PCLO: variants seen among roughly 807,000 people sequenced by gnomAD.
PCLO encodes the protein piccolo presynaptic cytomatrix protein, also known as protein piccolo.
A neutral mutation model predicts 427.5 loss-of-function variants in PCLO; 82 were observed. That is an observed-to-expected ratio of 0.19 (90% confidence interval 0.16 to 0.23). The LOEUF (loss-of-function observed/expected upper bound fraction) is 0.23, where lower values mean the gene tolerates loss of function less well. PCLO is among the 10% of genes least tolerant of loss of function. The pLI is 1.00. For synonymous variants in PCLO, 2,357 were observed against 2,155.4 expected (o/e 1.09, Z -2.59); for missense variants, 6,239 against 6,115.9 (o/e 1.02, Z -0.67).
At position 83,096,923 on chromosome 7, in the gene PCLO, A is replaced by T. The variant is rs1230966474; in HGVS notation, c.3300+37327T>A. Among the ~76,000 whole-genome samples, 263 of 54,050 alleles carry T rather than the reference A, an allele frequency of 4.9e-3. 20 individuals are homozygous for T. Among genetic ancestry groups the T allele is most frequent in the Admixed American group, 5.7e-3 (17 of 2,986 alleles). The allele number at this position is 54,050 out of a possible 152,430, so 35.5% of individuals were successfully genotyped here. A position where few individuals can be genotyped will look rare whatever the true frequency, so the allele number is the denominator to read the frequency against. On this transcript the variant is annotated intron_variant, in intron 3 of 24. Transcript: ENST00000333891. ...AATATTATATTATCTAAATATATAT[A>T]ATATAATATAATATATTATATATTA...
chr7:83,116,059 G>A (rs1791124181), intron 3 of PCLO, among the ~76,000 whole-genome samples: 1 of 151,776 alleles, frequency 6.6e-6, no homozygotes, highest in African/African-American at 2.4e-5. Context: ...CAATTAAATG[G>A]ATGTCTAGTA....
At chr7:82,831,094 C>G (rs1169724175) in intron 16 of PCLO, among the ~76,000 whole-genome samples, 5 of 152,022 alleles carry the variant, frequency 3.3e-5, no homozygotes, top group African/African-American at 1.2e-4. Context: ...CCTTTTTCCT[C>G]TGGTAAAGTT....
chr7:82,763,701 T>G (rs994826497), intron 22 of PCLO, among the ~76,000 whole-genome samples: 1 of 152,164 alleles, frequency 6.6e-6, no homozygotes, highest in South Asian at 2.1e-4. Context: ...GTCAAAAAAC[T>G]AATACTGTAG....
intron 20 of PCLO, among the ~76,000 whole-genome samples, chr7:82,806,429 G>A (rs1791458829): frequency 6.6e-6 from 1 of 152,156 alleles, no homozygotes; most frequent in East Asian, 1.9e-4. Flanking sequence ...GTTTATCATT[G>A]AGACTTGTCT....
chr7:82,993,319 T>C (rs1562904699), intron 3 of PCLO, among the ~76,000 whole-genome samples: 1 of 152,024 alleles, frequency 6.6e-6, no homozygotes, highest in Non-Finnish European at 1.5e-5. Flanking sequence ...ACAAAGATAT[T>C]TTTAATTACA....
intron 6 of PCLO, among the ~76,000 whole-genome samples, chr7:82,942,133 C>T (rs1452288075): frequency 1.3e-5 from 2 of 152,138 alleles, no homozygotes; most frequent in East Asian, 1.9e-4. Context: ...CAGCTGAGAT[C>T]ACATCATTGC....
chr7:83,018,728 G>A (rs1399933336), intron 3 of PCLO, among the ~76,000 whole-genome samples: 1 of 151,914 alleles, frequency 6.6e-6, no homozygotes, highest in African/African-American at 2.4e-5. Context: ...TTCTGAGTTG[G>A]TGGTTGATTG....
intron 3 of PCLO, among the ~76,000 whole-genome samples, chr7:82,971,093 G>A (rs1469223240): frequency 6.6e-6 from 1 of 151,680 alleles, no homozygotes; most frequent in Admixed American, 6.6e-5. Flanking sequence ...TCCAAAAGAT[G>A]TTATCTATAC....
intron 3 of PCLO, among the ~76,000 whole-genome samples, chr7:83,032,418 CT>C (rs200031173): frequency 3.5e-5 from 5 of 144,122 alleles, no homozygotes; most frequent in African/African-American, 8.0e-5. Context: ...CCCTCCTTCC[CT>C]TCCTTCCCTT....
Position 83,154,928 on chromosome 7 carries a change from T to C in PCLO, c.1713A>G (p.Thr571=). The change falls in exon 2 of 25, where the codon ACA becomes ACG. Residue 571 remains threonine (T), a synonymous_variant. Transcript: ENST00000333891. ...GAGGCTGTTTTGCAGATGGAGACAC[T>C]GTTGGTGGCTGCAGAGGTTTTCCAG... ...TGSGKPLQPP[T]VSPSAKQPPS... 1.2e-6 allele frequency: 2 copies of C among 1,613,988 alleles called. No individual in the cohort carries two copies. Among genetic ancestry groups the C allele is most frequent in the Non-Finnish European group, 1.7e-6 (2 of 1,179,892 alleles).
intron 20 of PCLO, among the ~76,000 whole-genome samples, chr7:82,806,115 A>G (rs992762300): frequency 6.6e-6 from 1 of 152,186 alleles, no homozygotes. Flanking sequence ...TGCTACTATT[A>G]TTATTTTTGT....
intron 3 of PCLO, among the ~76,000 whole-genome samples, chr7:82,984,322 T>C (rs968049394): frequency 1.3e-5 from 2 of 151,968 alleles, no homozygotes; most frequent in African/African-American, 4.8e-5. Context: ...ACAATTATTA[T>C]CTTGAATTAT....
At chr7:83,045,355 GC>G (rs988435723) in intron 3 of PCLO, among the ~76,000 whole-genome samples, 4 of 152,070 alleles carry the variant, frequency 2.6e-5, no homozygotes, top group African/African-American at 9.7e-5. Context: ...CAATGCTATT[GC>G]CTGAAATGTC....
At chr7:83,151,614 C>G (rs1053145485) in intron 2 of PCLO, among the ~76,000 whole-genome samples, 2 of 152,216 alleles carry the variant, frequency 1.3e-5, no homozygotes, top group Non-Finnish European at 2.9e-5. Context: ...TTCTTCCATG[C>G]TCATTTATGT....
At chr7:83,043,740 T>C (rs1390867758) in intron 3 of PCLO, among the ~76,000 whole-genome samples, 1 of 152,042 alleles carries the variant, frequency 6.6e-6, no homozygotes, top group African/African-American at 2.4e-5. Context: ...CAGGCTGTGG[T>C]TGGGGTGGAC....
At chr7:82,891,209 A>C (rs79957557) in intron 9 of PCLO, among the ~76,000 whole-genome samples, 369 of 152,252 alleles carry the variant, frequency 2.4e-3, no homozygotes, top group African/African-American at 8.4e-3. Context: ...AAATACAAGA[A>C]AATGGAAAGT....
intron 3 of PCLO, among the ~76,000 whole-genome samples, chr7:83,066,329 T>A (rs1350943940): frequency 1.3e-5 from 2 of 152,128 alleles, no homozygotes; most frequent in African/African-American, 4.8e-5. Flanking sequence ...CAGCTTTTTA[T>A]CTGGTATGTC....
At chr7:83,015,231 G>T (rs1788176210) in intron 3 of PCLO, among the ~76,000 whole-genome samples, 1 of 151,956 alleles carries the variant, frequency 6.6e-6, no homozygotes, top group Non-Finnish European at 1.5e-5. Context: ...ATAATTCCAT[G>T]AGCCTGGTGG....
intron 3 of PCLO, among the ~76,000 whole-genome samples, chr7:82,970,000 C>T (rs971572794): frequency 2.0e-5 from 3 of 151,910 alleles, no homozygotes; most frequent in Non-Finnish European, 2.9e-5. Context: ...TATTCAGATT[C>T]GATAGCAATC....
Sources: allele counts gnomAD v4.1 joint callset (sites outside exome capture counted in the v4.1 genomes callset), GRCh38; gene constraint gnomAD v4.1.1; transcripts MANE v1.5; gene names NCBI Gene and HGNC (gene_info 2026-07-23, HGNC 2026-07-21).